The following KAZN variants were observed in gnomAD, a reference collection of about 807,000 sequenced individuals.
KAZN encodes the protein kazrin.
Under a neutral mutation model 87.4 loss-of-function variants are expected in KAZN, and 40 were observed. The ratio of observed to expected loss-of-function variants is 0.46; its 90% CI spans 0.36 to 0.60. KAZN has a LOEUF of 0.60. Among genes scored for constraint, KAZN ranks in the 20% least tolerant of loss-of-function variants. KAZN has a pLI of 0.00. For missense variants in KAZN, 898 were observed against 1,073.9 expected, an observed-to-expected ratio of 0.84 and a Z score of 2.29; for synonymous variants, 466 against 458.3, an observed-to-expected ratio of 1.02 and a Z score of -0.22.
chr1:14,792,808 T>C (rs537498106), intron 1 of KAZN, among the ~76,000 whole-genome samples: 1 of 152,090 alleles, frequency 6.6e-6, no homozygotes, highest in South Asian at 2.1e-4. Context: ...AAACCCTGTC[T>C]CTACTAAAAA....
intron 1 of KAZN, among the ~76,000 whole-genome samples, chr1:14,831,255 TCA>T (rs920507217): frequency 9.2e-5 from 14 of 152,352 alleles, no homozygotes; most frequent in African/African-American, 3.1e-4. Flanking sequence ...CCCTGATGGA[TCA>T]CAGAGAAAAC....
chr1:14,045,760 G>T (rs1260800106), intron 1 of KAZN, among the ~76,000 whole-genome samples: 1 of 152,178 alleles, frequency 6.6e-6, no homozygotes, highest in Admixed American at 6.5e-5. Context: ...ATTAATAATA[G>T]TAGGGTTGTC....
At chr1:14,001,651 CA>C (rs1445394826) in intron 1 of KAZN, among the ~76,000 whole-genome samples, 4 of 152,206 alleles carry the variant, frequency 2.6e-5, no homozygotes, top group Non-Finnish European at 5.9e-5. Flanking sequence ...TGTACCAAAA[CA>C]GACATATAGA....
At chr1:14,610,482 C>T (rs560630858) in intron 1 of KAZN, among the ~76,000 whole-genome samples, 1 of 152,244 alleles carries the variant, frequency 6.6e-6, no homozygotes, top group East Asian at 1.9e-4. Flanking sequence ...CTCAGCCTCC[C>T]AAAGTGCTGG....
intron 2 of KAZN, among the ~76,000 whole-genome samples, chr1:14,415,343 G>A (rs1163146586): frequency 6.6e-5 from 10 of 152,190 alleles, no homozygotes; most frequent in Non-Finnish European, 1.3e-4. Context: ...TGGAGAAGTA[G>A]ACAGAACCAT....
chr1:15,013,753 C>CAA (rs906482222), intron 2 of KAZN, among the ~76,000 whole-genome samples: 1 of 133,676 alleles, frequency 7.5e-6, no homozygotes, highest in East Asian at 2.1e-4. Flanking sequence ...GACTCCATCT[C>CAA]AAAAAAAAAA....
chr1:15,092,717 T>G (rs1383827935), intron 8 of KAZN, among the ~76,000 whole-genome samples: 3 of 152,076 alleles, frequency 2.0e-5, no homozygotes, highest in Non-Finnish European at 4.4e-5. Flanking sequence ...TCAAGCATTC[T>G]GCCCACCTTG....
At chr1:14,262,201 C>T (rs963922629) in intron 2 of KAZN, among the ~76,000 whole-genome samples, 7 of 152,036 alleles carry the variant, frequency 4.6e-5, no homozygotes, top group African/African-American at 1.4e-4. Flanking sequence ...ATTGCTTGAG[C>T]CCAGGAGTTT....
intron 2 of KAZN, among the ~76,000 whole-genome samples, chr1:14,998,167 C>CG (rs951662913): frequency 6.6e-6 from 1 of 151,780 alleles, no homozygotes; most frequent in Admixed American, 6.6e-5. Context: ...AGGGGCAGCG[C>CG]GGGGGGTGCT....
In KAZN at chr1:15,114,828, T is replaced by C; in HGVS notation, c.*193T>C. The C allele has an allele frequency of 3.6e-6, 2 of 550,854 alleles. No homozygotes were observed. The highest frequency in any genetic ancestry group is 6.4e-6 in the Non-Finnish European group (2 of 314,126). The allele number at this position is 550,854 out of a possible 1,614,324, so 34.1% of individuals were successfully genotyped here. A position where few individuals can be genotyped will look rare whatever the true frequency, so the allele number is the denominator to read the frequency against. Reference sequence around the variant, plus strand: ...GAGAGAGAAGACACCAGCCCACCTGTCTTGGGTGGGCCATGGACTTTCCTG... The same window carrying C: ...GAGAGAGAAGACACCAGCCCACCTGCCTTGGGTGGGCCATGGACTTTCCTG... On this transcript the variant is annotated 3_prime_UTR_variant, in exon 15 of 15. Transcript: ENST00000376030.
rs868801559 is a variant in KAZN at position 14,831,970 on chromosome 1, G to A, written c.227-128714G>A. On this transcript the variant is annotated intron_variant, in intron 1 of 14. Transcript: ENST00000376030. ...AGCACTTTGGGAGGCCGAGGGAGGT[G>A]AATCACCTGAGATCAGGAGTTCGAG... is the stretch of plus-strand genomic sequence containing the variant. Among the ~76,000 whole-genome samples the A allele has an allele frequency of 3.3e-5, 5 of 152,242 alleles. No homozygotes were observed. In the South Asian group the frequency reaches 1.0e-3, roughly 32 times the overall value.
chr1:14,217,765 T>C (rs541363199), intron 2 of KAZN, among the ~76,000 whole-genome samples: 42 of 152,214 alleles, frequency 2.8e-4, no homozygotes, highest in Middle Eastern at 3.4e-3. Context: ...TATTAGACTT[T>C]GAAGAAAAAC....
intron 2 of KAZN, among the ~76,000 whole-genome samples, chr1:14,354,221 G>T (rs1322803490): frequency 6.6e-6 from 1 of 152,002 alleles, no homozygotes; most frequent in African/African-American, 2.4e-5. Context: ...TTTTATGTTT[G>T]TCTTTTAGAA....
chr1:14,766,321 C>T lies in KAZN; in HGVS notation c.226+167098C>T, dbSNP rs536962739. Among the ~76,000 whole-genome samples the T allele has an allele frequency of 6.6e-5, 10 of 152,062 alleles. 1 individual carries two copies. In the South Asian group the frequency reaches 2.1e-3, roughly 32 times the overall value. On this transcript the variant is annotated intron_variant, in intron 1 of 14. Coordinates refer to ENST00000376030, the MANE Select transcript of KAZN (RefSeq NM_201628.3). Reference sequence around the variant, plus strand: ...GGCAGCTGGAAGTTGCCCCCAGTTGCACCATAATGGTAAGACCATTTGGCA... The same window carrying T: ...GGCAGCTGGAAGTTGCCCCCAGTTGTACCATAATGGTAAGACCATTTGGCA...
intron 1 of KAZN, among the ~76,000 whole-genome samples, chr1:14,804,189 G>C (rs1260324283): frequency 6.6e-6 from 1 of 152,196 alleles, no homozygotes; most frequent in East Asian, 1.9e-4. Flanking sequence ...AATTCTGTTG[G>C]GCAGGGGTCT....
chr1:14,057,932 TC>T (rs577058720), intron 1 of KAZN, among the ~76,000 whole-genome samples: 176 of 152,354 alleles, frequency 1.2e-3, no homozygotes, highest in Non-Finnish European at 1.9e-3. Flanking sequence ...GAACAACAGT[TC>T]ATGTTCCAGT....
intron 1 of KAZN, among the ~76,000 whole-genome samples, chr1:14,126,345 C>T (rs1424647354): frequency 2.8e-5 from 2 of 71,160 alleles, no homozygotes; most frequent in East Asian, 7.2e-4. Flanking sequence ...AAGGCAGAAG[C>T]TCTCCCCTCC....
intron 2 of KAZN, among the ~76,000 whole-genome samples, chr1:14,541,339 T>C (rs910600725): frequency 6.6e-6 from 1 of 152,184 alleles, no homozygotes; most frequent in Non-Finnish European, 1.5e-5. Flanking sequence ...TCTATGACGG[T>C]GATTTGTGGA....
intron 1 of KAZN, among the ~76,000 whole-genome samples, chr1:14,100,177 C>A (rs1436827967): frequency 1.3e-5 from 2 of 152,198 alleles, no homozygotes; most frequent in Non-Finnish European, 2.9e-5. Flanking sequence ...TTCCCTTAGA[C>A]CCTGCCTATC....
Sources: gnomAD v4.1 joint callset for allele counts (sites outside exome capture counted in the v4.1 genomes callset) on GRCh38, gnomAD v4.1.1 for gene constraint, MANE v1.5 for transcripts, NCBI Gene and HGNC (gene_info 2026-07-23, HGNC 2026-07-21) for gene names.